Variants in ARHGEF4 observed in about 807,000 individuals in gnomAD.
ARHGEF4 encodes Rho guanine nucleotide exchange factor 4.
Under a neutral mutation model 162.0 loss-of-function variants are expected in ARHGEF4, and 119 were observed. The observed-to-expected ratio is 0.73, with a 90% CI of 0.63 to 0.86. The LOEUF (loss-of-function observed/expected upper bound fraction) is 0.86. Ranked by LOEUF, ARHGEF4 falls within the 40% of genes least tolerant of loss-of-function variation. ARHGEF4 has a pLI of 0.00. For synonymous variants in ARHGEF4, 1,014 were observed against 979.9 expected (o/e 1.03, Z -0.65); for missense variants, 2,488 against 2,456.0 (o/e 1.01, Z -0.28).
At chr2:131,027,915 C>T (rs753591122) in intron 4 of ARHGEF4, 30 bp from the exon 5 acceptor site, 4 of 1,612,560 alleles carry the variant, frequency 2.5e-6, no homozygotes, top group Non-Finnish European at 2.5e-6. Flanking sequence ...AGCCCAGCCC[C>T]CTTTGCCCAG....
At chr2:130,969,962 T>C (rs954365519) in intron 4 of ARHGEF4, among the ~76,000 whole-genome samples, 1 of 152,238 alleles carries the variant, frequency 6.6e-6, no homozygotes, top group Non-Finnish European at 1.5e-5. Flanking sequence ...GTTGCATTTA[T>C]CCTTAGGTTT....
chr2:130,966,925 C>T (rs553496071), intron 4 of ARHGEF4, among the ~76,000 whole-genome samples: 18 of 152,302 alleles, frequency 1.2e-4, no homozygotes, highest in South Asian at 1.0e-3. Flanking sequence ...ACTAGTCTAA[C>T]GGCTGAGACA....
At chr2:130,880,828 CA>C (rs2104958774) in intron 1 of ARHGEF4, among the ~76,000 whole-genome samples, 1 of 151,322 alleles carries the variant, frequency 6.6e-6, no homozygotes, top group African/African-American at 2.4e-5. Flanking sequence ...AGCACCCGGC[CA>C]AATTTTTTTT....
chr2:130,952,536 C>A (rs1349363463), intron 4 of ARHGEF4, among the ~76,000 whole-genome samples: 2 of 152,096 alleles, frequency 1.3e-5, no homozygotes, highest in East Asian at 3.8e-4. Context: ...CACTCCTATT[C>A]AACATAGTGT....
intron 4 of ARHGEF4, among the ~76,000 whole-genome samples, chr2:130,951,730 G>GTA (rs760246436): frequency 1.3e-4 from 20 of 151,808 alleles, no homozygotes; most frequent in South Asian, 8.4e-4. Flanking sequence ...AGCGTTTCAT[G>GTA]TATATATATA....
At position 130,915,833 on chromosome 2, in the gene ARHGEF4, C is replaced by T. The variant is rs1044521285; in HGVS notation, c.1887C>T (p.Gly629=). The T allele has an allele frequency of 3.3e-6, 5 of 1,532,440 alleles. No individual in the cohort carries two copies. The highest frequency in any genetic ancestry group is 4.1e-5 in the Admixed American group (2 of 49,244). The allele number at this position is 1,532,440 out of a possible 1,614,324, so 94.9% of individuals were successfully genotyped here. A position where few individuals can be genotyped will look rare whatever the true frequency, so the allele number is the denominator to read the frequency against. ...GCGGCGAGGCCTCGAGGGGCAGGGG[C>T]GCCCTCATCATTGTAGCTGTGGAGC... is the stretch of plus-strand genomic sequence containing the variant. ...KAGGEASRGR[G]ALIIVAVEQK... The change falls in exon 2 of 14, where the codon GGC becomes GGT. Residue 629 remains glycine (G), a synonymous_variant. Coordinates refer to ENST00000409359, the MANE Select transcript of ARHGEF4 (RefSeq NM_001367493.1).
chr2:130,873,853 C>T (rs960429262), intron 1 of ARHGEF4, among the ~76,000 whole-genome samples: 5 of 152,028 alleles, frequency 3.3e-5, no homozygotes, highest in African/African-American at 4.8e-5. Flanking sequence ...TCATCCAGGC[C>T]GCTTTGCAGG....
chr2:130,903,764 T>C (rs1001400807), intron 1 of ARHGEF4, among the ~76,000 whole-genome samples: 19 of 152,230 alleles, frequency 1.2e-4, no homozygotes, highest in African/African-American at 4.1e-4. Flanking sequence ...CACTTACAAG[T>C]GAGAACATGG....
rs192893874 is a variant in ARHGEF4, at chr2:130,945,726, A to G, written c.3859-783A>G. 2.7e-3 allele frequency among the ~76,000 whole-genome samples: 406 copies of G among 152,194 alleles called. 3 individuals are homozygous for G. Among genetic ancestry groups the G allele is most frequent in the Non-Finnish European group, 4.1e-3 (281 of 67,982 alleles). On this transcript the variant is annotated intron_variant, in intron 3 of 13. Transcript: ENST00000409359. Reference sequence around the variant, plus strand: ...AGTCTACCTGCTGCTGTTTCCCTCTAGAGTCCTCAAACGGCTGATCTATAC... The same window carrying G: ...AGTCTACCTGCTGCTGTTTCCCTCTGGAGTCCTCAAACGGCTGATCTATAC...
chr2:131,016,247 G>A (rs1398388771), intron 4 of ARHGEF4, among the ~76,000 whole-genome samples: 2 of 152,150 alleles, frequency 1.3e-5, no homozygotes, highest in Non-Finnish European at 2.9e-5. Flanking sequence ...GCATCATCAC[G>A]CAACATTATT....
At chr2:130,993,269 AG>A (rs1183555721) in intron 4 of ARHGEF4, among the ~76,000 whole-genome samples, 3 of 152,210 alleles carry the variant, frequency 2.0e-5, no homozygotes, top group Non-Finnish European at 4.4e-5. Context: ...GTTATTGAGA[AG>A]TGTATTAATT....
rs1682596200 is a variant in ARHGEF4 at position 130,930,987 on chromosome 2, G to T, written c.3588G>T (p.Lys1196Asn). The stretch of plus-strand genomic sequence containing the variant: ...CCTGGGAAGAACCAGCAGGTGAGAA[G>T]CCCAGTTGCTCTCACAGTCAGAAGG... ...HMPWEEPAGE[K>N]PSCSHSQKAF... The change falls in exon 3 of 14, where the codon AAG (lysine) becomes AAT (asparagine). Residue 1196 changes from lysine to asparagine, a missense_variant. This residue lies in a region of ARHGEF4 where 1,642 missense variants were observed against 1,481.5 expected (regional missense o/e 1.11). Transcript: ENST00000409359. 6.2e-7 allele frequency: 1 copy of T among 1,611,674 alleles called. No individual in the cohort carries two copies. The highest frequency in any genetic ancestry group is 1.3e-5 in the African/African-American group (1 of 74,900).
chr2:130,913,181 GGCAGAAA>G (rs1681296553), intron 1 of ARHGEF4, among the ~76,000 whole-genome samples: 2 of 152,076 alleles, frequency 1.3e-5, no homozygotes, highest in Non-Finnish European at 2.9e-5. Flanking sequence ...AAGACTGTGT[GGCAGAAA>G]GCAGGTCATT....
chr2:131,002,974 A>G (rs151298039), intron 4 of ARHGEF4, among the ~76,000 whole-genome samples: 1 of 152,290 alleles, frequency 6.6e-6, no homozygotes, highest in East Asian at 1.9e-4. Context: ...TTTAATTACT[A>G]CATTTGCTGA....
chr2:130,842,747 C>T (rs1680692037), intron 1 of ARHGEF4, among the ~76,000 whole-genome samples: 1 of 152,218 alleles, frequency 6.6e-6, no homozygotes, highest in South Asian at 2.1e-4. Context: ...CCCAGCTCTC[C>T]TCCCCACCTT....
chr2:130,884,300 G>T (rs183696754), intron 1 of ARHGEF4, among the ~76,000 whole-genome samples: 5 of 151,350 alleles, frequency 3.3e-5, no homozygotes, highest in African/African-American at 1.2e-4. Flanking sequence ...ACATAGGCAC[G>T]TGCACACACA....
Position 130,922,341 on chromosome 2 carries a change from A to G in ARHGEF4, c.3552+4843A>G, listed in dbSNP as rs549802599. 1.1e-3 allele frequency among the ~76,000 whole-genome samples: 168 copies of G among 151,970 alleles called. 2 individuals are homozygous for G. The highest frequency in any genetic ancestry group is 4.0e-3 in the African/African-American group (164 of 41,464). On this transcript the variant is annotated intron_variant, in intron 2 of 13. Transcript: ENST00000409359. ...AGCCGAGATTGCACCGTTGCACTCC[A>G]GCCTGGGCAACAAGAGTGAAACTCT...
intron 4 of ARHGEF4, among the ~76,000 whole-genome samples, chr2:130,996,571 A>G (rs904865337): frequency 6.6e-6 from 1 of 152,218 alleles, no homozygotes; most frequent in Non-Finnish European, 1.5e-5. Context: ...ATTGCCTTCA[A>G]CTGTCTACTG....
chr2:130,908,806 A>G (rs1452964647), intron 1 of ARHGEF4, among the ~76,000 whole-genome samples: 1 of 152,242 alleles, frequency 6.6e-6, no homozygotes, highest in Non-Finnish European at 1.5e-5. Context: ...AGACTTATAT[A>G]TAAGGTATAC....
Sources: allele counts gnomAD v4.1 joint callset (sites outside exome capture counted in the v4.1 genomes callset), GRCh38; gene constraint gnomAD v4.1.1; regional missense constraint gnomAD v4.1.1; transcripts MANE v1.5; gene names NCBI Gene and HGNC (gene_info 2026-07-23, HGNC 2026-07-21).